Variants in DNAAF9 observed in about 807,000 individuals in gnomAD.
The protein encoded by DNAAF9 is dynein axonemal assembly factor 9, also known as shulin.
In DNAAF9, 90 loss-of-function variants were observed where a neutral mutation model predicts 167.0. The observed-to-expected ratio is 0.54, with a 90% CI of 0.45 to 0.64. The LOEUF (loss-of-function observed/expected upper bound fraction) is 0.64, where lower values mean the gene tolerates loss of function less well. DNAAF9 is among the 30% of genes least tolerant of loss of function. DNAAF9 has a pLI of 0.00. For synonymous variants in DNAAF9, 491 were observed against 508.8 expected, an observed-to-expected ratio of 0.96 and a Z score of 0.47; for missense variants, 1,315 against 1,442.2, an observed-to-expected ratio of 0.91 and a Z score of 1.43.
chr20:3,382,782 C>CT (rs141628867), intron 1 of DNAAF9, among the ~76,000 whole-genome samples: 9,455 of 152,284 alleles, frequency 0.062, 378 homozygotes, highest in Non-Finnish European at 0.082. Context: ...CAAAGTCCCT[C>CT]TCTCATGGTC....
chr20:3,358,264 A>G (rs1188515583), intron 7 of DNAAF9, among the ~76,000 whole-genome samples: 2 of 151,182 alleles, frequency 1.3e-5, no homozygotes, highest in African/African-American at 4.9e-5. Context: ...TTGTGGGACA[A>G]TTTTCTCTGG....
intron 7 of DNAAF9, among the ~76,000 whole-genome samples, chr20:3,355,151 T>C (rs2083266850): frequency 6.6e-6 from 1 of 152,250 alleles, no homozygotes; most frequent in South Asian, 2.1e-4. Context: ...TTCCTAATTC[T>C]TACATTCTCT....
At chr20:3,293,409 G>A (rs1431374608) in intron 25 of DNAAF9, among the ~76,000 whole-genome samples, 3 of 150,440 alleles carry the variant, frequency 2.0e-5, no homozygotes, top group Admixed American at 6.6e-5. Flanking sequence ...TGGGGGCCGG[G>A]CACAGTGGCT....
At chr20:3,348,480 A>G (rs565115729) in intron 8 of DNAAF9, 45 bp downstream of exon 8, 175 of 998,958 alleles carry the variant, frequency 1.8e-4, no homozygotes, top group Non-Finnish European at 2.5e-4. Context: ...AACAATAAAT[A>G]AATTAACCAT....
At chr20:3,316,276 G>A (rs932826307) in intron 18 of DNAAF9, among the ~76,000 whole-genome samples, 2 of 152,120 alleles carry the variant, frequency 1.3e-5, no homozygotes, top group African/African-American at 2.4e-5. Flanking sequence ...CCCAGTTTCA[G>A]ACCAAGTCCC....
chr20:3,384,655 T>C (rs1290018768), intron 1 of DNAAF9, among the ~76,000 whole-genome samples: 2 of 151,642 alleles, frequency 1.3e-5, no homozygotes, highest in Admixed American at 1.3e-4. Flanking sequence ...ATTACAGGCA[T>C]GCACTACCAC....
intron 7 of DNAAF9, among the ~76,000 whole-genome samples, chr20:3,355,988 T>C (rs1432591724): frequency 1.3e-5 from 2 of 152,168 alleles, no homozygotes; most frequent in East Asian, 3.8e-4. Context: ...TGGTTTTAGT[T>C]CATCACTACA....
chr20:3,372,005 T>C (rs1470350645), intron 6 of DNAAF9, among the ~76,000 whole-genome samples: 1 of 152,196 alleles, frequency 6.6e-6, no homozygotes, highest in African/African-American at 2.4e-5. Flanking sequence ...CCAGCATAAA[T>C]GGCAAGTAAA....
At chr20:3,390,645 G>T (rs2083814397) in intron 1 of DNAAF9, among the ~76,000 whole-genome samples, 1 of 152,154 alleles carries the variant, frequency 6.6e-6, no homozygotes. Context: ...GATTACAAGT[G>T]TGAGGTGCCA....
At chr20:3,260,287 C>T (rs944078904) in intron 31 of DNAAF9, among the ~76,000 whole-genome samples, 3 of 151,890 alleles carry the variant, frequency 2.0e-5, no homozygotes, top group African/African-American at 7.3e-5. Context: ...TGCAGTGAGG[C>T]GAGATTGCGC....
At chr20:3,309,061 T>G (rs1175656846) in intron 20 of DNAAF9, among the ~76,000 whole-genome samples, 3 of 152,206 alleles carry the variant, frequency 2.0e-5, no homozygotes, top group Non-Finnish European at 1.5e-5. Context: ...ACATTCAGTC[T>G]CTAATGTGAT....
chr20:3,266,905 T>G (rs1600673027), intron 30 of DNAAF9, among the ~76,000 whole-genome samples: 1 of 148,572 alleles, frequency 6.7e-6, no homozygotes, highest in African/African-American at 2.5e-5. Flanking sequence ...TAGGCTAGAG[T>G]GCAATGGCGC....
chr20:3,390,327 T>C (rs986639646), intron 1 of DNAAF9, among the ~76,000 whole-genome samples: 1 of 151,550 alleles, frequency 6.6e-6, no homozygotes, highest in Non-Finnish European at 1.5e-5. Flanking sequence ...AACTGTGGAA[T>C]CTATCTGGTG....
chr20:3,268,226 C>T (rs997176153), intron 30 of DNAAF9, among the ~76,000 whole-genome samples: 2 of 151,622 alleles, frequency 1.3e-5, no homozygotes, highest in Non-Finnish European at 2.9e-5. Flanking sequence ...GGCGGGGTTT[C>T]GCCATGTTGG....
At chr20:3,325,722 G>A (rs1361409165) in intron 13 of DNAAF9, among the ~76,000 whole-genome samples, 3 of 152,160 alleles carry the variant, frequency 2.0e-5, no homozygotes, top group African/African-American at 7.2e-5. Flanking sequence ...AAACAGCAAG[G>A]AAGATAATGG....
intron 6 of DNAAF9, among the ~76,000 whole-genome samples, chr20:3,364,197 C>A (rs375862948): frequency 2.0e-3 from 311 of 152,242 alleles, no homozygotes; most frequent in African/African-American, 6.7e-3. Flanking sequence ...ATGTCCTTTT[C>A]TTCTAACATT....
chr20:3,406,166 C>A (rs2084051884), intron 1 of DNAAF9, among the ~76,000 whole-genome samples: 1 of 152,146 alleles, frequency 6.6e-6, no homozygotes, highest in Non-Finnish European at 1.5e-5. Flanking sequence ...GAAAGGAATG[C>A]AGGGAAGTAA....
Position 3,272,505 on chromosome 20 carries a change from G to C in DNAAF9, c.2651-1943C>G, listed in dbSNP as rs190027143. Among the ~76,000 whole-genome samples, 3 of 151,976 alleles carry C rather than the reference G, an allele frequency of 2.0e-5. No individual in the cohort carries two copies. In the East Asian group the frequency reaches 5.8e-4, roughly 29 times the overall value. On this transcript the variant is annotated intron_variant, in intron 29 of 36. Transcript: ENST00000252032. ...GCCTCCTCTAAAGTGCTGGGATTAC[G>C]GGCGTGAGCCACGGCACCCAGCTTC... is the stretch of plus-strand genomic sequence containing the variant.
chr20:3,387,290 A>G (rs6139106), intron 1 of DNAAF9, among the ~76,000 whole-genome samples: 1 of 152,338 alleles, frequency 6.6e-6, no homozygotes, highest in East Asian at 1.9e-4. Flanking sequence ...ACAGTGGGAT[A>G]CTGGCATAAG....
Sources: allele counts gnomAD v4.1 joint callset (sites outside exome capture counted in the v4.1 genomes callset), GRCh38; gene constraint gnomAD v4.1.1; transcripts MANE v1.5; gene names NCBI Gene and HGNC (gene_info 2026-07-23, HGNC 2026-07-21).